The following PADI1 variants were observed in gnomAD, a reference collection of about 807,000 sequenced individuals.
The protein encoded by PADI1 is protein-arginine deiminase type-1.
A neutral mutation model predicts 74.8 loss-of-function variants in PADI1; 65 were observed. The ratio of observed to expected loss-of-function variants is 0.87; its 90% CI spans 0.71 to 1.07. The LOEUF is 1.07. PADI1 is among the 50% of genes least tolerant of loss of function. The pLI is 0.00. For synonymous variants in PADI1, 371 were observed against 336.2 expected (o/e 1.10, Z -1.13); for missense variants, 943 against 854.0 (o/e 1.10, Z -1.30).
At chr1:17,225,698 T>C (rs1172628575) in intron 4 of PADI1, 113 bp from the exon 5 acceptor site, 4 of 759,724 alleles carry the variant, frequency 5.3e-6, no homozygotes, top group South Asian at 5.1e-5. Context: ...TTAAGCAAAC[T>C]AAAAATATGA....
Position 17,244,766 on chromosome 1 carries a change from C to G in PADI1, c.*523C>G, listed in dbSNP as rs1241368000. The G allele has an allele frequency of 1.2e-5, 4 of 329,032 alleles. No individual in the cohort carries two copies. The highest frequency in any genetic ancestry group is 2.4e-5 in the Non-Finnish European group (4 of 167,658). 20.4% of individuals were successfully genotyped at this position (329,032 alleles called of 1,614,324 possible). On this transcript the variant is annotated 3_prime_UTR_variant, in exon 16 of 16. Coordinates refer to ENST00000375471, the MANE Select transcript of PADI1 (RefSeq NM_013358.3). The stretch of plus-strand genomic sequence containing the variant: ...CCAAAGGGGACCCAAGGCTGTGACA[C>G]TTACCTCCACCCCCATCCAGCACCC...
At position 17,225,904 on chromosome 1, in the gene PADI1, C is replaced by A; in HGVS notation, c.502C>A (p.His168Asn). The A allele has an allele frequency of 6.2e-7, 1 of 1,614,016 alleles. No homozygotes were observed. The change falls in exon 5 of 16, where the codon CAC becomes AAC. Residue 168 changes from histidine (H) to asparagine (N), a missense_variant. Coordinates refer to ENST00000375471, the MANE Select transcript of PADI1 (RefSeq NM_013358.3). Reference sequence around the variant, plus strand: ...CAGGTCCGCAGAGCCTGACCTCACCCACAGCTGGCTGATGTCGCTGGCTGG... The same window carrying A: ...CAGGTCCGCAGAGCCTGACCTCACCAACAGCTGGCTGATGTCGCTGGCTGG... The part of the protein sequence containing the change: ...NHRSAEPDLT[H>N]SWLMSLADLQ...
chr1:17,228,600 A>G, intron 6 of PADI1, 25 bp from the exon 7 acceptor site: 6 of 1,613,472 alleles, frequency 3.7e-6, no homozygotes, highest in Non-Finnish European at 5.1e-6. Context: ...TCTCCTCGCT[A>G]GCCCCTGACT....
chr1:17,218,692 G>A (rs367669990), intron 1 of PADI1, among the ~76,000 whole-genome samples: 1 of 152,232 alleles, frequency 6.6e-6, no homozygotes, highest in South Asian at 2.1e-4. Flanking sequence ...CAAGGGAGCA[G>A]AAGAAATGAG....
At chr1:17,223,550 G>A in intron 2 of PADI1, 71 bp from the exon 3 acceptor site, 1 of 1,259,214 alleles carries the variant, frequency 7.9e-7, no homozygotes, top group South Asian at 1.2e-5. Context: ...GTCAGGATGT[G>A]TCCCTCATCA....
At chr1:17,205,366 A>G (rs1048066255) in intron 1 of PADI1, 57 bp downstream of exon 1, 3 of 1,375,606 alleles carry the variant, frequency 2.2e-6, no homozygotes, top group Non-Finnish European at 3.1e-6. Context: ...GTGTAAGTCA[A>G]TGGGGTGGGT....
Position 17,225,807 on chromosome 1 carries a change from A to G in PADI1, c.409-4A>G. ...TGATCCCAAGGCATCTTATTTTGCC[A>G]CAGAAAACCTGGCGCTGGGGCCCTG... On this transcript the variant is annotated splice_region_variant and splice_polypyrimidine_tract_variant and intron_variant, in intron 4 of 15. Transcript: ENST00000375471. 6.2e-7 allele frequency: 1 copy of G among 1,612,922 alleles called. No individual in the cohort carries two copies. Among genetic ancestry groups the G allele is most frequent in the Non-Finnish European group, 8.5e-7 (1 of 1,179,032 alleles).
At chr1:17,239,651 A>G in intron 13 of PADI1, 53 bp from the exon 14 acceptor site, 1 of 1,347,984 alleles carries the variant, frequency 7.4e-7, no homozygotes, top group Non-Finnish European at 1.1e-6. Context: ...CAGGCTGAAG[A>G]CGGCCTCCAG....
intron 11 of PADI1, among the ~76,000 whole-genome samples, chr1:17,235,293 G>GGAAGGAAGGAGGGAAGGAA (rs1557479110): frequency 9.5e-5 from 6 of 62,862 alleles, no homozygotes; most frequent in African/African-American, 1.8e-4. Flanking sequence ...GAAGGAAGGA[G>GGAAGGAAGGAGGGAAGGAA]GGAAGGAAGG....
chr1:17,224,370 T>C lies in PADI1; in HGVS notation c.350T>C (p.Ile117Thr). 1.2e-6 allele frequency: 2 copies of C among 1,613,768 alleles called. No homozygotes were observed. The highest frequency in any genetic ancestry group is 2.2e-5 in the South Asian group (2 of 91,020). The change falls in exon 4 of 16, where the codon ATT becomes ACT. Residue 117 changes from isoleucine (I) to threonine (T), a missense_variant. Transcript: ENST00000375471. The stretch of plus-strand genomic sequence containing the variant: ...GCCCCTCTCCATCTCTTTGCAGATA[T>C]TTCCCTTGAGGTTGACACAGGCCGC... The part of the protein sequence containing the change: ...RSVLYLTGVD[I>T]SLEVDTGRTG...
At chr1:17,222,519 T>G (rs756906619) in intron 2 of PADI1, 49 bp downstream of exon 2, 27 of 1,453,674 alleles carry the variant, frequency 1.9e-5, no homozygotes, top group Non-Finnish European at 2.5e-5. Context: ...TCCACCCCCA[T>G]CCAAGGTAAG....
At position 17,223,648 on chromosome 1, in the gene PADI1, G is replaced by A. The variant is rs920136972; in HGVS notation, c.301G>A (p.Glu101Lys). Residue 101 changes from glutamate (E) to lysine (K), a missense_variant, in exon 3 of 16, where the codon GAA becomes AAA. Coordinates refer to ENST00000375471, the MANE Select transcript of PADI1 (RefSeq NM_013358.3). ...GAGGGTCTCCTACTTTGGGGAGCAG[G>A]AAGACCAAGCTCTGGGCCGCAGCGT... ...KVRVSYFGEQ[E>K]DQALGRSVLY... is the part of the protein sequence containing the mutation. 2 of 1,614,130 alleles carry A rather than the reference G, an allele frequency of 1.2e-6. No individual in the cohort carries two copies. The highest frequency in any genetic ancestry group is 1.7e-6 in the Non-Finnish European group (2 of 1,180,016).
At chr1:17,229,100 A>G in intron 8 of PADI1, 49 bp downstream of exon 8, 2 of 1,190,578 alleles carry the variant, frequency 1.7e-6, no homozygotes, top group Non-Finnish European at 1.2e-6. Context: ...GTGCAGAGGT[A>G]GGGACAGAAG....
At position 17,237,333 on chromosome 1, in the gene PADI1, G is replaced by C; in HGVS notation, c.1333G>C (p.Ala445Pro). The C allele has an allele frequency of 6.2e-7, 1 of 1,611,238 alleles. No individual in the cohort carries two copies. Among genetic ancestry groups the C allele is most frequent in the Non-Finnish European group, 8.5e-7 (1 of 1,178,544 alleles). The change falls in exon 12 of 16, where the codon GCC becomes CCC. Residue 445 changes from alanine (A) to proline (P), a missense_variant. Physicochemically the swap from Ala to Pro is conservative, Grantham distance 27. Coordinates refer to ENST00000375471, the MANE Select transcript of PADI1 (RefSeq NM_013358.3). ...GGCCAGGTCCGGTGGGCGGCAGATG[G>C]CCAGGGCAGTGCGGAACTTCCTGAA... ...SFPKSGGRQM[A>P]RAVRNFLKAQ...
chr1:17,214,396 G>T (rs1287235282), intron 1 of PADI1, among the ~76,000 whole-genome samples: 1 of 152,144 alleles, frequency 6.6e-6, no homozygotes, highest in African/African-American at 2.4e-5. Context: ...TGAGGGGCAG[G>T]CTCATCAGCA....
chr1:17,224,532 G>C, intron 4 of PADI1, 104 bp downstream of exon 4: 2 of 903,018 alleles, frequency 2.2e-6, no homozygotes, highest in Non-Finnish European at 3.6e-6. Context: ...GGATCCCCAG[G>C]GTCTGTAGTA....
chr1:17,238,285 G>A (rs1486594205), intron 12 of PADI1, among the ~76,000 whole-genome samples: 1 of 152,178 alleles, frequency 6.6e-6, no homozygotes, highest in Non-Finnish European at 1.5e-5. Flanking sequence ...CAGGTGATCT[G>A]CCCACCTTGG....
intron 1 of PADI1, among the ~76,000 whole-genome samples, chr1:17,210,005 C>G (rs989422182): frequency 3.9e-5 from 6 of 151,932 alleles, no homozygotes; most frequent in African/African-American, 1.5e-4. Flanking sequence ...CAGTTATGCA[C>G]CACCCCGTAT....
At chr1:17,222,102 G>C (rs1327858000) in intron 1 of PADI1, among the ~76,000 whole-genome samples, 188 bp from the exon 2 acceptor site, 1 of 152,206 alleles carries the variant, frequency 6.6e-6, no homozygotes, top group Non-Finnish European at 1.5e-5. Context: ...GGGTGTCCAA[G>C]GGTTTACCAT....
Sources: gnomAD v4.1 joint callset for allele counts (sites outside exome capture counted in the v4.1 genomes callset) on GRCh38, gnomAD v4.1.1 for gene constraint, MANE v1.5 for transcripts, NCBI Gene and HGNC (gene_info 2026-07-23, HGNC 2026-07-21) for gene names.